The following ENTPD1 variants were observed in gnomAD, a reference collection of about 807,000 sequenced individuals.
ENTPD1 encodes ectonucleoside triphosphate diphosphohydrolase 1.
In ENTPD1, 33 loss-of-function variants were observed where a neutral mutation model predicts 57.0. The observed-to-expected ratio is 0.58, with a 90% confidence interval of 0.44 to 0.77. The LOEUF (loss-of-function observed/expected upper bound fraction) is 0.77, where lower values mean the gene tolerates loss of function less well. ENTPD1 is among the 30% of genes least tolerant of loss of function. ENTPD1 has a pLI of 0.00. For synonymous variants in ENTPD1, 202 were observed against 218.8 expected, an observed-to-expected ratio of 0.92 and a Z score of 0.68; for missense variants, 501 against 603.4, an observed-to-expected ratio of 0.83 and a Z score of 1.78.
At chr10:95,858,141 A>T (rs1404959897) in intron 7 of ENTPD1, among the ~76,000 whole-genome samples, 1 of 149,452 alleles carries the variant, frequency 6.7e-6, no homozygotes, top group Non-Finnish European at 1.5e-5. Context: ...TGGGCGACAG[A>T]GCAAGACTCC....
At chr10:95,776,088 A>G (rs2098132824) in intron 1 of ENTPD1, among the ~76,000 whole-genome samples, 1 of 151,988 alleles carries the variant, frequency 6.6e-6, no homozygotes, top group African/African-American at 2.4e-5. Context: ...TCTTGACTAT[A>G]TCCAATTTGC....
chr10:95,826,781 A>G (rs937330027), intron 2 of ENTPD1, among the ~76,000 whole-genome samples: 2 of 152,112 alleles, frequency 1.3e-5, no homozygotes, highest in African/African-American at 4.8e-5. Context: ...AGCTAGTGGT[A>G]TGATCAGATT....
chr10:95,722,114 A>G (rs774933259), intron 1 of ENTPD1, among the ~76,000 whole-genome samples: 5 of 152,252 alleles, frequency 3.3e-5, no homozygotes, highest in Middle Eastern at 3.4e-3. Flanking sequence ...TGATTCTATA[A>G]GTGCTTTAAG....
At chr10:95,731,644 T>C (rs1197279633) in intron 1 of ENTPD1, among the ~76,000 whole-genome samples, 1 of 152,124 alleles carries the variant, frequency 6.6e-6, no homozygotes, top group African/African-American at 2.4e-5. Context: ...TTCCCCTGAG[T>C]TGGAACAGCT....
upstream of ENTPD1, chr10:95,756,036 A>T (rs1801203463): frequency 5.4e-6 from 8 of 1,471,982 alleles, no homozygotes; most frequent in East Asian, 2.0e-4. Flanking sequence ...CTCCTCAGTC[A>T]ATCTGTCCTT....
At position 95,871,335 on chromosome 10, in the gene ENTPD1, A is replaced by C; in HGVS notation, c.*4952A>C. 1.0e-6 allele frequency: 1 copy of C among 985,392 alleles called. No individual in the cohort carries two copies. Among genetic ancestry groups the C allele is most frequent in the Non-Finnish European group, 1.2e-6 (1 of 829,864 alleles). The allele number at this position is 985,392 out of a possible 1,614,324, so 61.0% of individuals were successfully genotyped here. A position where few individuals can be genotyped will look rare whatever the true frequency, so the allele number is the denominator to read the frequency against. On this transcript the variant is annotated 3_prime_UTR_variant, in exon 10 of 10. Coordinates refer to ENST00000371205, the MANE Select transcript of ENTPD1 (RefSeq NM_001776.6). The stretch of plus-strand genomic sequence containing the variant: ...AATATTATCTTTAAAAAATGTCATT[A>C]CTTCTAAGACATCATCAGTCTGCAA...
chr10:95,727,385 G>T (rs2097984786), intron 1 of ENTPD1, among the ~76,000 whole-genome samples: 1 of 152,084 alleles, frequency 6.6e-6, no homozygotes, highest in East Asian at 1.9e-4. Context: ...TGACCTCAAG[G>T]TCTCTACCTC....
chr10:95,779,035 C>G (rs2098145590), intron 1 of ENTPD1, among the ~76,000 whole-genome samples: 1 of 152,192 alleles, frequency 6.6e-6, no homozygotes. Flanking sequence ...GCTTCTTAAT[C>G]TAGCTGGATT....
intron 1 of ENTPD1, among the ~76,000 whole-genome samples, chr10:95,773,974 T>C (rs2098124647): frequency 6.6e-6 from 1 of 152,220 alleles, no homozygotes; most frequent in Admixed American, 6.5e-5. Flanking sequence ...TTCCTATTTC[T>C]CCACATCCTC....
At chr10:95,756,327 A>T in intron 1 of ENTPD1, 72 bp downstream of exon 1, 1 of 1,492,272 alleles carries the variant, frequency 6.7e-7, no homozygotes, top group Non-Finnish European at 9.1e-7. Context: ...AGCCCAGACC[A>T]AAAAGCAAGT....
chr10:95,856,845 T>C (rs181807293), intron 7 of ENTPD1, among the ~76,000 whole-genome samples: 47 of 150,806 alleles, frequency 3.1e-4, no homozygotes, highest in Admixed American at 8.6e-4. Context: ...TATACACATA[T>C]ATAATTATAT....
chr10:95,865,515 A>G (rs1482257378), intron 9 of ENTPD1, among the ~76,000 whole-genome samples: 1 of 152,188 alleles, frequency 6.6e-6, no homozygotes, highest in African/African-American at 2.4e-5. Context: ...AGTGGGGAAA[A>G]CATTTTACCC....
intron 7 of ENTPD1, among the ~76,000 whole-genome samples, chr10:95,853,731 C>T (rs1364292395): frequency 6.6e-6 from 1 of 152,040 alleles, no homozygotes; most frequent in African/African-American, 2.4e-5. Context: ...TGCTGGATTA[C>T]GTTTATTGAT....
At chr10:95,810,087 C>G (rs547897492) in intron 1 of ENTPD1, among the ~76,000 whole-genome samples, 1 of 149,238 alleles carries the variant, frequency 6.7e-6, no homozygotes, top group Non-Finnish European at 1.5e-5. Flanking sequence ...CAGAGGCACT[C>G]CTCACCTCCC....
chr10:95,843,224 C>G (rs1331930018), intron 4 of ENTPD1: 1 of 152,194 alleles, frequency 6.6e-6, no homozygotes, highest in African/African-American at 2.4e-5. Flanking sequence ...AGGCACTGTT[C>G]TAAGTACTGA....
chr10:95,726,963 A>T (rs1045386867), intron 1 of ENTPD1, among the ~76,000 whole-genome samples: 40 of 152,184 alleles, frequency 2.6e-4, no homozygotes, highest in African/African-American at 8.9e-4. Flanking sequence ...GCTCACTGCC[A>T]TCTTCAGTTT....
rs2098478998 is a variant in ENTPD1 at position 95,870,285 on chromosome 10, T to C, written c.*3902T>C. On this transcript the variant is annotated 3_prime_UTR_variant, in exon 10 of 10. Transcript: ENST00000371205. ...CAAAATGTAAATTTGAATATTAAAA[T>C]AAAGATGATTTTTTTTTTGGAGCTA... is the stretch of plus-strand genomic sequence containing the variant. The C allele has an allele frequency of 1.0e-6, 1 of 984,014 alleles. No individual in the cohort carries two copies. Among genetic ancestry groups the C allele is most frequent in the Admixed American group, 6.2e-5 (1 of 16,248 alleles). The allele number at this position is 984,014 out of a possible 1,614,324, so 61.0% of individuals were successfully genotyped here. A position where few individuals can be genotyped will look rare whatever the true frequency, so the allele number is the denominator to read the frequency against.
At chr10:95,785,029 G>A (rs751271330) in intron 1 of ENTPD1, 1 of 152,104 alleles carries the variant, frequency 6.6e-6, no homozygotes, top group Non-Finnish European at 1.5e-5. Context: ...GACTCACAGA[G>A]TGGAAATCAC....
chr10:95,795,504 A>G (rs1001481070), intron 1 of ENTPD1, among the ~76,000 whole-genome samples: 1 of 152,194 alleles, frequency 6.6e-6, no homozygotes. Flanking sequence ...TCAATAATAC[A>G]TATGTCTGGA....
Sources: gnomAD v4.1 joint callset for allele counts (sites outside exome capture counted in the v4.1 genomes callset) on GRCh38, gnomAD v4.1.1 for gene constraint, MANE v1.5 for transcripts, NCBI Gene and HGNC (gene_info 2026-07-23, HGNC 2026-07-21) for gene names.